GAS7: variants seen among roughly 807,000 people sequenced by gnomAD.
The protein encoded by GAS7 is growth arrest specific 7, also known as growth arrest-specific protein 7.
In GAS7, 28 loss-of-function variants were observed where a neutral mutation model predicts 71.1. The observed-to-expected ratio is 0.39, with a 90% CI of 0.29 to 0.54. GAS7 has a LOEUF of 0.54. Among genes scored for constraint, GAS7 ranks in the 20% least tolerant of loss-of-function variants. The probability of loss-of-function intolerance (pLI) is 0.62; values close to 1 mark genes in which losing one functional copy is unlikely to be tolerated. For synonymous variants in GAS7, 258 were observed against 245.8 expected (o/e 1.05, Z -0.46); for missense variants, 436 against 627.8 (o/e 0.69, Z 3.27).
At chr17:9,965,508 A>C (rs2069670067) in intron 4 of GAS7, among the ~76,000 whole-genome samples, 1 of 152,080 alleles carries the variant, frequency 6.6e-6, no homozygotes, top group African/African-American at 2.4e-5. Flanking sequence ...ACCAGGACCT[A>C]TCGGGGCGTG....
intron 2 of GAS7, among the ~76,000 whole-genome samples, chr17:10,005,117 G>A: frequency 6.6e-6 from 1 of 151,092 alleles, no homozygotes; most frequent in Non-Finnish European, 1.5e-5. Context: ...GTGTGCGTGT[G>A]CACGCATACC....
intron 1 of GAS7, among the ~76,000 whole-genome samples, chr17:10,119,018 T>C (rs963134579): frequency 1.3e-5 from 2 of 152,154 alleles, no homozygotes; most frequent in African/African-American, 2.4e-5. Flanking sequence ...TTATGGAGCA[T>C]ATACCATGCA....
chr17:10,181,265 C>T (rs1413680392), intron 1 of GAS7, among the ~76,000 whole-genome samples: 3 of 151,476 alleles, frequency 2.0e-5, no homozygotes, highest in Non-Finnish European at 4.4e-5. Flanking sequence ...GAGGCTGAGG[C>T]AGGGGAATCG....
At position 9,959,142 on chromosome 17, in the gene GAS7, G is replaced by T; in HGVS notation, c.525+60C>A. On this transcript the variant is annotated intron_variant, in intron 5 of 13. Coordinates refer to ENST00000432992, the MANE Select transcript of GAS7 (RefSeq NM_201433.2). The surrounding 1 kb of genome is among the most constrained non-coding windows in gnomAD (Gnocchi z 5.0). ...GGCGGTCCACATCGCCATGGCAACA[G>T]CCCAGCCAAATGCCCCAGCTCGCAG... The T allele has an allele frequency of 3.2e-6, 5 of 1,579,888 alleles. No individual in the cohort carries two copies. In the South Asian group the frequency reaches 4.5e-5, roughly 14 times the overall value.
chr17:9,955,272 C>A (rs568911971), intron 5 of GAS7, among the ~76,000 whole-genome samples: 2 of 152,294 alleles, frequency 1.3e-5, no homozygotes, highest in East Asian at 1.9e-4. Context: ...TGTCCTCCCC[C>A]CGGTTACATT....
chr17:10,006,288 CAAATG>C (rs1175512683), intron 2 of GAS7, among the ~76,000 whole-genome samples: 22 of 135,056 alleles, frequency 1.6e-4, no homozygotes, highest in Non-Finnish European at 2.8e-4. Context: ...GCAGAATGTA[CAAATG>C]AAAACAGTAC....
At position 9,981,727 on chromosome 17, in the gene GAS7, A is replaced by T. The variant is rs1597605407; in HGVS notation, c.385+77T>A. 3 of 868,806 alleles carry T rather than the reference A, an allele frequency of 3.5e-6. 1 individual carries two copies. The highest frequency in any genetic ancestry group is 5.9e-6 in the Non-Finnish European group (3 of 507,614). The allele number at this position is 868,806 out of a possible 1,614,324, so 53.8% of individuals were successfully genotyped here. A position where few individuals can be genotyped will look rare whatever the true frequency, so the allele number is the denominator to read the frequency against. ...ACATCAGCCAGGTTTAAGACCCAGG[A>T]CCCATCATCTCAGCCTCTCCACTGA... On this transcript the variant is annotated intron_variant, in intron 3 of 13. Coordinates refer to ENST00000432992, the MANE Select transcript of GAS7 (RefSeq NM_201433.2). The surrounding 1 kb of genome is among the most constrained non-coding windows in gnomAD (Gnocchi z 4.4).
chr17:10,009,719 T>C (rs998434608), intron 2 of GAS7, among the ~76,000 whole-genome samples: 5 of 151,306 alleles, frequency 3.3e-5, no homozygotes, highest in African/African-American at 9.7e-5. Context: ...CTTTTTTTTT[T>C]CCAGTAGCCT....
At position 10,198,374 on chromosome 17, in the gene GAS7, C is replaced by CA; in HGVS notation, c.16dup (p.Cys6LeufsTer97). On this transcript the variant is annotated frameshift_variant, in exon 1 of 14. Transcript: ENST00000432992. LOFTEE classifies it high-confidence loss of function. Reference sequence around the variant, plus strand: ...CCCGGAGAAGGGGTACAGGGTCCGGCAGCGAGCGCCGGACATGGCCTTGGC... The same window carrying CA: ...CCCGGAGAAGGGGTACAGGGTCCGGCAAGCGAGCGCCGGACATGGCCTTGGC... The CA allele has an allele frequency of 6.3e-7, 1 of 1,588,176 alleles. No individual in the cohort carries two copies. The highest frequency in any genetic ancestry group is 8.5e-7 in the Non-Finnish European group (1 of 1,175,074).
chr17:10,033,551 G>A (rs965742165), intron 1 of GAS7, among the ~76,000 whole-genome samples: 1 of 152,190 alleles, frequency 6.6e-6, no homozygotes, highest in Non-Finnish European at 1.5e-5. Context: ...AACAGGCTCA[G>A]TATCTCATGC....
chr17:9,927,432 A>AT (rs1262939212), intron 9 of GAS7, among the ~76,000 whole-genome samples: 1 of 151,558 alleles, frequency 6.6e-6, no homozygotes. Flanking sequence ...GTGAGCCGAG[A>AT]TTGTGCCACT....
At chr17:10,163,326 T>C (rs1436085503) in intron 1 of GAS7, among the ~76,000 whole-genome samples, 3 of 151,798 alleles carry the variant, frequency 2.0e-5, no homozygotes, top group Non-Finnish European at 4.4e-5. Flanking sequence ...GGTTTCACCA[T>C]GTTGGCCAGG....
Position 10,023,745 on chromosome 17 carries a change from G to A in GAS7, c.184-3848C>T, listed in dbSNP as rs11870216. Among the ~76,000 whole-genome samples the A allele has an allele frequency of 2.0e-3, 300 of 152,306 alleles. 4 individuals are homozygous for A. The highest frequency in any genetic ancestry group is 3.5e-3 in the African/African-American group (145 of 41,556). On this transcript the variant is annotated intron_variant, in intron 1 of 13. Transcript: ENST00000432992. The stretch of plus-strand genomic sequence containing the variant: ...AATGACACTGTTCCGGAACTGGATC[G>A]TGGTAATGGTTGCACAATATCATGA...
Position 9,917,160 on chromosome 17 carries a change from G to T in GAS7, c.*68C>A. On this transcript the variant is annotated 3_prime_UTR_variant, in exon 14 of 14. Transcript: ENST00000432992. ...AGAGAGGGTGGGGGGCATCCACTCG[G>T]CATGGGCCCCATGGTGGGAGCCCAG... is the stretch of plus-strand genomic sequence containing the variant. The T allele has an allele frequency of 1.0e-6, 1 of 979,766 alleles. No homozygotes were observed. The highest frequency in any genetic ancestry group is 1.6e-5 in the African/African-American group (1 of 63,094). The allele number at this position is 979,766 out of a possible 1,614,324, so 60.7% of individuals were successfully genotyped here.
chr17:10,070,792 A>C (rs890726497), intron 1 of GAS7, among the ~76,000 whole-genome samples: 1 of 151,914 alleles, frequency 6.6e-6, no homozygotes, highest in Admixed American at 6.6e-5. Flanking sequence ...GAGTCTAGGG[A>C]GAGGGAGGCA....
At position 9,959,457 on chromosome 17, in the gene GAS7, C is replaced by A. The variant is rs1051980006; in HGVS notation, c.472-202G>T. ...CCACGCCCAGCTCTCGGGCTGAAGG[C>A]GAATTAAGGAAGCCTCCTGCACAGG... On this transcript the variant is annotated intron_variant, in intron 4 of 13. Transcript: ENST00000432992. This position sits in a 1 kb window ranked among gnomAD's most constrained non-coding sequence, Gnocchi z 5.0. 9.1e-6 allele frequency: 13 copies of A among 1,428,562 alleles called. No individual in the cohort carries two copies. In the Admixed American group the frequency reaches 3.2e-4, roughly 35 times the overall value. 88.5% of individuals were successfully genotyped at this position (1,428,562 alleles called of 1,614,324 possible).
At chr17:9,990,247 C>T (rs569928958) in intron 2 of GAS7, among the ~76,000 whole-genome samples, 82 of 151,966 alleles carry the variant, frequency 5.4e-4, no homozygotes, top group African/African-American at 1.8e-3. Context: ...TCAGCCTGGG[C>T]GACAGAGCGA....
At chr17:9,934,608 C>T (rs1291511262) in intron 8 of GAS7, among the ~76,000 whole-genome samples, 1 of 152,184 alleles carries the variant, frequency 6.6e-6, no homozygotes, top group Admixed American at 6.5e-5. Flanking sequence ...GGCCTTGACC[C>T]CTGGGCCGTC....
At chr17:10,003,568 T>C (rs1323607858) in intron 2 of GAS7, among the ~76,000 whole-genome samples, 1 of 152,212 alleles carries the variant, frequency 6.6e-6, no homozygotes, top group Non-Finnish European at 1.5e-5. Context: ...ATGGCTTGGC[T>C]TTCGACTGAC....
Sources: gnomAD v4.1 joint callset for allele counts (sites outside exome capture counted in the v4.1 genomes callset) on GRCh38, gnomAD v4.1.1 for gene constraint, Gnocchi (gnomAD v3.1) non-coding constraint, MANE v1.5 for transcripts, NCBI Gene and HGNC (gene_info 2026-07-23, HGNC 2026-07-21) for gene names.